PRDM11: variants seen among roughly 807,000 people sequenced by gnomAD.
PRDM11 encodes the protein PR/SET domain 11.
PRDM11 carries 20 observed loss-of-function variants against 97.8 expected under a neutral mutation model. That is an observed-to-expected ratio of 0.20 (90% CI 0.14 to 0.30). The LOEUF (loss-of-function observed/expected upper bound fraction) is 0.30, where lower values mean the gene tolerates loss of function less well. PRDM11 is among the 10% of genes least tolerant of loss of function. The pLI is 1.00. For synonymous variants in PRDM11, 599 were observed against 637.7 expected (o/e 0.94, Z 0.91); for missense variants, 1,139 against 1,555.2 (o/e 0.73, Z 4.50).
chr11:45,149,416 T>C (rs550686786), intron 1 of PRDM11, among the ~76,000 whole-genome samples: 3 of 152,384 alleles, frequency 2.0e-5, no homozygotes, highest in African/African-American at 7.2e-5. Flanking sequence ...TGGCCTTTCC[T>C]CCTCAAATCC....
intron 1 of PRDM11, among the ~76,000 whole-genome samples, chr11:45,105,916 TGAAGTCAG>T (rs1476921681): frequency 6.6e-6 from 1 of 152,240 alleles, no homozygotes; most frequent in East Asian, 1.9e-4. Context: ...TCTGAGACCA[TGAAGTCAG>T]GCTGGACCGA....
At chr11:45,210,017 G>A (rs1168589656) in intron 5 of PRDM11, among the ~76,000 whole-genome samples, 1 of 152,194 alleles carries the variant, frequency 6.6e-6, no homozygotes, top group Non-Finnish European at 1.5e-5. Context: ...CGCTTGGCAC[G>A]TTCCAGGAAC....
chr11:45,180,886 G>C (rs1012956418), intron 1 of PRDM11, among the ~76,000 whole-genome samples: 1 of 151,874 alleles, frequency 6.6e-6, no homozygotes, highest in African/African-American at 2.4e-5. Flanking sequence ...CTGGCTCGGA[G>C]GAGGGGGCAG....
rs370741198 is a variant in PRDM11 at position 45,171,077 on chromosome 11, TTTG to T, written c.-6-10666_-6-10664del. ...TTGTAGGATTGAAGGTTATGGGTTT[TTTG>T]TTGTTGTTGTTGTTGTTTTGTTGTT... On this transcript the variant is annotated intron_variant, in intron 1 of 7. Coordinates refer to ENST00000683152, the MANE Select transcript of PRDM11 (RefSeq NM_001384648.1). Among the ~76,000 whole-genome samples the T allele has an allele frequency of 8.9e-4, 135 of 152,086 alleles. 2 individuals are homozygous for T. Among genetic ancestry groups the T allele is most frequent in the African/African-American group, 2.7e-3 (113 of 41,494 alleles).
chr11:45,183,802 A>G (rs551281272), intron 4 of PRDM11, among the ~76,000 whole-genome samples: 1 of 152,340 alleles, frequency 6.6e-6, no homozygotes, highest in East Asian at 1.9e-4. Context: ...TCTAGAGGGT[A>G]AGAAGATCCT....
intron 1 of PRDM11, among the ~76,000 whole-genome samples, chr11:45,128,742 T>C (rs1033078823): frequency 4.6e-5 from 7 of 152,132 alleles, no homozygotes; most frequent in Non-Finnish European, 7.3e-5. Flanking sequence ...GCAGAAACAG[T>C]GCTAATCTTA....
rs139870847 is a variant in PRDM11 at position 45,183,037 on chromosome 11, G to A, written c.400G>A (p.Glu134Lys). ...AGAGAGTGACGTGCGATGTGTAAAC[G>A]AGGTCATCCCCAAGGGCCACATCTT... is the stretch of plus-strand genomic sequence containing the variant. ...SGESDVRCVN[E>K]VIPKGHIFGP... Residue 134 changes from glutamate to lysine, a missense_variant, in exon 4 of 8, where the codon GAG becomes AAG. Around this residue, in one of 2 missense-constraint regions of PRDM11, gnomAD observed 429 missense variants for 510.3 expected, o/e 0.84. Transcript: ENST00000683152. The A allele has an allele frequency of 1.1e-5, 17 of 1,614,142 alleles. No homozygotes were observed. The highest frequency in any genetic ancestry group is 8.0e-5 in the African/African-American group (6 of 75,050).
In PRDM11 at chr11:45,147,681, A is replaced by G. The variant is rs375824147; in HGVS notation, c.-7+804A>G. ...GCGAGTCGCTGCAAAGAGAATACCA[A>G]TGTCTTGGGCGATGCTGGTGAAAAA... On this transcript the variant is annotated intron_variant, in intron 1 of 7. Transcript: ENST00000683152. The G allele has an allele frequency of 7.2e-5, 11 of 152,376 alleles. No homozygotes were observed. The South Asian group carries it at 8.3e-4, about 11-fold the overall frequency. The allele number at this position is 152,376 out of a possible 1,614,324, so 9.4% of individuals were successfully genotyped here.
chr11:45,176,489 C>T (rs1852331159), intron 1 of PRDM11, among the ~76,000 whole-genome samples: 1 of 152,146 alleles, frequency 6.6e-6, no homozygotes, highest in African/African-American at 2.4e-5. Flanking sequence ...AGGCATTATG[C>T]TGTGTTAAAC....
chr11:45,217,719 G>A (rs1179803749), intron 5 of PRDM11, among the ~76,000 whole-genome samples: 1 of 152,322 alleles, frequency 6.6e-6, no homozygotes, highest in South Asian at 2.1e-4. Context: ...ATATAGATGA[G>A]GGGCAGCTGG....
chr11:45,180,432 G>T (rs1290829754), intron 1 of PRDM11, among the ~76,000 whole-genome samples: 1 of 151,850 alleles, frequency 6.6e-6, no homozygotes, highest in East Asian at 2.0e-4. Flanking sequence ...CCTCCGCGGC[G>T]CTGTCGCCCA....
chr11:45,227,197 C>A lies in PRDM11; in HGVS notation c.2572C>A (p.Arg858=). 6.5e-7 allele frequency: 1 copy of A among 1,534,004 alleles called. No homozygotes were observed. The highest frequency in any genetic ancestry group is 1.4e-5 in the African/African-American group (1 of 73,112). Residue 858 remains arginine, a synonymous_variant, in exon 8 of 8, where the codon CGG becomes AGG. Coordinates refer to ENST00000683152, the MANE Select transcript of PRDM11 (RefSeq NM_001384648.1). This position sits in a 1 kb window ranked among gnomAD's most constrained non-coding sequence, Gnocchi z 8.0. Reference sequence around the variant, plus strand: ...CAAGGAGGTCAGCAGCCAGACCCAGCGGGCAGACGCCTCGGCCATCGCACT... The same window carrying A: ...CAAGGAGGTCAGCAGCCAGACCCAGAGGGCAGACGCCTCGGCCATCGCACT... The part of the protein sequence containing the change: ...HLKEVSSQTQ[R]ADASAIALAL...
At position 45,158,819 on chromosome 11, in the gene PRDM11, C is replaced by T. The variant is rs989809148; in HGVS notation, c.-7+11942C>T. On this transcript the variant is annotated intron_variant, in intron 1 of 7. Coordinates refer to ENST00000683152, the MANE Select transcript of PRDM11 (RefSeq NM_001384648.1). ...GTGCCCCCCCTTCTCTAAGGACAGA[C>T]ACCCTGAGCCTGTTGTGCATGGCTT... 2.0e-5 allele frequency among the ~76,000 whole-genome samples: 3 copies of T among 152,266 alleles called. No individual in the cohort carries two copies. In the East Asian group the frequency reaches 5.8e-4, roughly 29 times the overall value.
intron 4 of PRDM11, among the ~76,000 whole-genome samples, chr11:45,188,291 A>G (rs1199570784): frequency 1.3e-5 from 2 of 152,240 alleles, no homozygotes; most frequent in African/African-American, 4.8e-5. Flanking sequence ...CATAGGTATT[A>G]TTCCATCCAT....
At chr11:45,206,965 C>G (rs1853534454) in intron 5 of PRDM11, among the ~76,000 whole-genome samples, 1 of 152,182 alleles carries the variant, frequency 6.6e-6, no homozygotes. Flanking sequence ...CACTGGTGAG[C>G]AGGGGTTTGG....
chr11:45,127,315 T>C (rs140154107), intron 1 of PRDM11, among the ~76,000 whole-genome samples: 4,096 of 152,338 alleles, frequency 0.027, 174 homozygotes, highest in African/African-American at 0.089. Flanking sequence ...TTTGATCATC[T>C]GAAGCCTTCT....
intron 1 of PRDM11, among the ~76,000 whole-genome samples, chr11:45,156,622 A>C (rs1031462186): frequency 1.3e-5 from 2 of 152,276 alleles, no homozygotes; most frequent in African/African-American, 4.8e-5. Context: ...ATCTGTTGGC[A>C]TCAGATTGGA....
At position 45,227,596 on chromosome 11, in the gene PRDM11, C is replaced by T; in HGVS notation, c.2971C>T (p.Leu991=). ...IFVKACQVFD[L]AAWPRSSEEL... ...TGTGAAGGCCTGCCAGGTGTTTGAC[C>T]TGGCTGCCTGGCCCAGGAGCAGTGA... The change falls in exon 8 of 8, where the codon CTG becomes TTG. Residue 991 remains leucine (L), a synonymous_variant. Transcript: ENST00000683152. This position sits in a 1 kb window ranked among gnomAD's most constrained non-coding sequence, Gnocchi z 8.0. The T allele has an allele frequency of 6.5e-7, 1 of 1,533,912 alleles. No individual in the cohort carries two copies.
chr11:45,231,169 A>T lies in PRDM11; in HGVS notation c.*3010A>T, dbSNP rs914622707. On this transcript the variant is annotated 3_prime_UTR_variant, in exon 8 of 8. Transcript: ENST00000683152. ...CCACACTGCCATGGGACAGGGAATA[A>T]TTTGGGTGATACACCACTGCAATTT... is the stretch of plus-strand genomic sequence containing the variant. The T allele has an allele frequency of 2.0e-5, 3 of 152,222 alleles. No individual in the cohort carries two copies. The highest frequency in any genetic ancestry group is 4.4e-5 in the Non-Finnish European group (3 of 68,046). 9.4% of individuals were successfully genotyped at this position (152,222 alleles called of 1,614,324 possible).
Sources: gnomAD v4.1 joint callset for allele counts (sites outside exome capture counted in the v4.1 genomes callset) on GRCh38, gnomAD v4.1.1 for gene constraint, gnomAD v4.1.1 regional missense constraint, Gnocchi (gnomAD v3.1) non-coding constraint, MANE v1.5 for transcripts, NCBI Gene and HGNC (gene_info 2026-07-23, HGNC 2026-07-21) for gene names.